The following KCNT2 variants were observed in gnomAD, a reference collection of about 807,000 sequenced individuals.
KCNT2 encodes potassium sodium-activated channel subfamily T member 2.
KCNT2 carries 67 observed loss-of-function variants against 153.8 expected under a neutral mutation model. The observed-to-expected ratio is 0.44, with a 90% CI of 0.36 to 0.53. The LOEUF (loss-of-function observed/expected upper bound fraction) is 0.53, where lower values mean the gene tolerates loss of function less well. Among genes scored for constraint, KCNT2 ranks in the 20% least tolerant of loss-of-function variants. The pLI is 0.00. For missense variants in KCNT2, 975 were observed against 1,354.8 expected (o/e 0.72, Z 4.40); for synonymous variants, 500 against 458.8 (o/e 1.09, Z -1.15).
At chr1:196,424,932 C>G (rs1287377598) in intron 11 of KCNT2, among the ~76,000 whole-genome samples, 1 of 151,286 alleles carries the variant, frequency 6.6e-6, no homozygotes, top group Non-Finnish European at 1.5e-5. Context: ...CAAATACACA[C>G]CCGCTCATGC....
intron 25 of KCNT2, among the ~76,000 whole-genome samples, chr1:196,280,284 T>G (rs1186208308): frequency 6.6e-6 from 1 of 152,176 alleles, no homozygotes; most frequent in East Asian, 1.9e-4. Flanking sequence ...TTACCAGAGA[T>G]TCTCCTTCCA....
intron 12 of KCNT2, among the ~76,000 whole-genome samples, chr1:196,414,105 G>GC (rs1355677220): frequency 6.6e-6 from 1 of 151,544 alleles, no homozygotes; most frequent in Non-Finnish European, 1.5e-5. Context: ...GTTTCATAAT[G>GC]CATCAGATTG....
At chr1:196,519,481 A>G (rs181576689) in intron 1 of KCNT2, among the ~76,000 whole-genome samples, 47 of 152,134 alleles carry the variant, frequency 3.1e-4, no homozygotes, top group African/African-American at 1.1e-3. Context: ...CAAGAAAAAC[A>G]AATAAAAAAA....
intron 8 of KCNT2, among the ~76,000 whole-genome samples, chr1:196,434,951 T>C (rs894451488): frequency 2.0e-5 from 3 of 151,270 alleles, no homozygotes; most frequent in African/African-American, 4.9e-5. Context: ...AGTAGGGCCA[T>C]CTTACATCCT....
At position 196,570,197 on chromosome 1, in the gene KCNT2, G is replaced by C. The variant is rs187464505; in HGVS notation, c.95+38018C>G. On this transcript the variant is annotated intron_variant, in intron 1 of 27. Transcript: ENST00000294725. The stretch of plus-strand genomic sequence containing the variant: ...AAAGCAACCAAAAACAGTAACAACA[G>C]CAAGAATAACCTGCTTTTTGGGTGA... Among the ~76,000 whole-genome samples, 9 of 151,656 alleles carry C rather than the reference G, an allele frequency of 5.9e-5. No individual in the cohort carries two copies. In the East Asian group the frequency reaches 1.7e-3, roughly 29 times the overall value.
At chr1:196,490,420 T>C (rs948956954) in intron 2 of KCNT2, among the ~76,000 whole-genome samples, 3 of 148,554 alleles carry the variant, frequency 2.0e-5, no homozygotes, top group South Asian at 2.1e-4. Context: ...GTTGTATATT[T>C]AATATTAACT....
At chr1:196,324,900 C>T (rs1663690825) in intron 19 of KCNT2, among the ~76,000 whole-genome samples, 1 of 152,028 alleles carries the variant, frequency 6.6e-6, no homozygotes, top group African/African-American at 2.4e-5. Context: ...AGTAATCAGA[C>T]ATTTTTGTAA....
At chr1:196,238,549 G>A (rs570302550) in intron 26 of KCNT2, among the ~76,000 whole-genome samples, 1 of 151,982 alleles carries the variant, frequency 6.6e-6, no homozygotes, top group South Asian at 2.1e-4. Flanking sequence ...TTATCTTTTA[G>A]AATTAGGTTA....
intron 12 of KCNT2, among the ~76,000 whole-genome samples, chr1:196,408,566 G>A (rs1428118008): frequency 2.0e-5 from 3 of 151,486 alleles, no homozygotes; most frequent in East Asian, 3.9e-4. Flanking sequence ...CTCTTCAGAT[G>A]CTGGTAAAGC....
At chr1:196,290,574 A>ATG (rs1038141020) in intron 22 of KCNT2, among the ~76,000 whole-genome samples, 1 of 151,592 alleles carries the variant, frequency 6.6e-6, no homozygotes, top group African/African-American at 2.4e-5. Context: ...GTGTATATAT[A>ATG]TATATACACA....
chr1:196,232,873 A>G (rs1362617295), intron 27 of KCNT2, among the ~76,000 whole-genome samples: 2 of 151,400 alleles, frequency 1.3e-5, no homozygotes, highest in African/African-American at 4.8e-5. Context: ...AAGCTTAAGA[A>G]ACATAATTTA....
intron 23 of KCNT2, 142 bp from the exon 24 acceptor site, chr1:196,282,498 TA>T (rs1162562281): frequency 1.9e-6 from 1 of 515,652 alleles, no homozygotes; most frequent in African/African-American, 2.0e-5. Flanking sequence ...CATACAAAAG[TA>T]AATTTAATCT....
chr1:196,479,216 A>C lies in KCNT2; in HGVS notation c.347T>G (p.Leu116Arg). 6.4e-7 allele frequency: 1 copy of C among 1,573,834 alleles called. No individual in the cohort carries two copies. The highest frequency in any genetic ancestry group is 8.7e-7 in the Non-Finnish European group (1 of 1,149,420). ...ATAACCAAGTAATATTGTTTCAAAC[A>C]GACTTATCAATGCCACTGAAACCTG... ...GLQVSVALIS[L>R]FETILLGYLS... is the part of the protein sequence containing the mutation. Residue 116 changes from leucine to arginine, a missense_variant, in exon 5 of 28, where the codon CTG (leucine) becomes CGG (arginine). Physicochemically the swap from Leu to Arg is moderately radical, Grantham distance 102. Around this residue, in one of 6 missense-constraint regions of KCNT2, gnomAD observed 140 missense variants for 216.0 expected, o/e 0.65. Transcript: ENST00000294725.
At chr1:196,269,845 T>C (rs1158081280) in intron 25 of KCNT2, among the ~76,000 whole-genome samples, 2 of 152,124 alleles carry the variant, frequency 1.3e-5, no homozygotes, top group Non-Finnish European at 2.9e-5. Flanking sequence ...AAATAAATTT[T>C]CCAAATAACA....
intron 4 of KCNT2, 120 bp downstream of exon 4, chr1:196,482,211 T>C: frequency 1.5e-6 from 1 of 660,590 alleles, no homozygotes; most frequent in Non-Finnish European, 2.7e-6. Flanking sequence ...AAGATGTGCA[T>C]GAAGATTAAT....
intron 14 of KCNT2, among the ~76,000 whole-genome samples, chr1:196,343,795 T>C (rs1401313112): frequency 3.3e-5 from 5 of 152,096 alleles, no homozygotes; most frequent in Non-Finnish European, 7.3e-5. Context: ...ATTTGTGTGT[T>C]TTTAGAAGGA....
chr1:196,515,784 G>C (rs754540608), intron 1 of KCNT2, among the ~76,000 whole-genome samples: 5 of 152,120 alleles, frequency 3.3e-5, no homozygotes, highest in South Asian at 2.1e-4. Context: ...AAGGAGATTA[G>C]AGAAAAGCAA....
At chr1:196,439,560 G>T (rs1191469068) in intron 8 of KCNT2, among the ~76,000 whole-genome samples, 1 of 151,894 alleles carries the variant, frequency 6.6e-6, no homozygotes, top group African/African-American at 2.4e-5. Context: ...CCTACAGATA[G>T]TAGGGGATAA....
chr1:196,510,061 A>C (rs1165144445), intron 1 of KCNT2, among the ~76,000 whole-genome samples: 2 of 152,146 alleles, frequency 1.3e-5, no homozygotes, highest in East Asian at 3.8e-4. Flanking sequence ...CAACAGCAAG[A>C]ATAAAGAGAA....
Sources: allele counts gnomAD v4.1 joint callset (sites outside exome capture counted in the v4.1 genomes callset), GRCh38; gene constraint gnomAD v4.1.1; regional missense constraint gnomAD v4.1.1; transcripts MANE v1.5; gene names NCBI Gene and HGNC (gene_info 2026-07-23, HGNC 2026-07-21).